STARD13: variants seen among roughly 807,000 people sequenced by gnomAD.
STARD13 encodes stAR-related lipid transfer protein 13.
In STARD13, 62 loss-of-function variants were observed where a neutral mutation model predicts 106.4. The ratio of observed to expected loss-of-function variants is 0.58; its 90% confidence interval spans 0.48 to 0.72. The LOEUF (loss-of-function observed/expected upper bound fraction) is 0.72. Ranked by LOEUF, STARD13 falls within the 30% of genes least tolerant of loss-of-function variation. The pLI, the probability that STARD13 is intolerant of heterozygous loss-of-function variation, is 0.00. For synonymous variants in STARD13, 565 were observed against 553.0 expected, an observed-to-expected ratio of 1.02 and a Z score of -0.31; for missense variants, 1,387 against 1,424.0, an observed-to-expected ratio of 0.97 and a Z score of 0.42.
the STARD13 span, among the ~76,000 whole-genome samples, chr13:33,653,188 C>T: frequency 2.0e-5 from 3 of 152,042 alleles, no homozygotes; most frequent in South Asian, 2.1e-4. Flanking sequence ...CTAAAATTCA[C>T]GGAGAAATTC....
downstream of STARD13, among the ~76,000 whole-genome samples, chr13:33,344,823 G>C (rs2078001271): frequency 6.6e-6 from 1 of 152,180 alleles, no homozygotes; most frequent in South Asian, 2.1e-4. Context: ...ATTGTTATAT[G>C]AGTATAATGG....
At position 33,255,105 on chromosome 13, in the gene STARD13, C is replaced by CA. The variant is rs984680385; in HGVS notation, c.169+30364_169+30365insT. Among the ~76,000 whole-genome samples, 7 of 141,226 alleles carry CA rather than the reference C, an allele frequency of 5.0e-5. No homozygotes were observed. In the South Asian group the frequency reaches 1.2e-3, roughly 24 times the overall value. 92.6% of individuals were successfully genotyped at this position (141,226 alleles called of 152,430 possible). A position where few individuals can be genotyped will look rare whatever the true frequency, so the allele number is the denominator to read the frequency against. On this transcript the variant is annotated intron_variant, in intron 1 of 13. Transcript: ENST00000336934. ...ACCTGTCCATCTGTGTGCTCCCCCC[C>CA]CCCTCAGAGGCTTGATCAGGTTCAG...
In STARD13 at chr13:33,123,747, T is replaced by A. The variant is rs555743665; in HGVS notation, c.2082+2334A>T. Among the ~76,000 whole-genome samples, 301 of 152,326 alleles carry A rather than the reference T, an allele frequency of 2.0e-3. 1 individual carries two copies. The highest frequency in any genetic ancestry group is 7.9e-3 in the South Asian group (38 of 4,828). On this transcript the variant is annotated intron_variant, in intron 7 of 13. Coordinates refer to ENST00000336934, the MANE Select transcript of STARD13 (RefSeq NM_178006.4). Reference sequence around the variant, plus strand: ...TGCAGGAGTGTGGAAGACAAAAGGCTGGCAATGTGTCAGGCTCTGTGGGGC... The same window carrying A: ...TGCAGGAGTGTGGAAGACAAAAGGCAGGCAATGTGTCAGGCTCTGTGGGGC...
chr13:33,179,420 C>CTACTATTA lies in STARD13; in HGVS notation c.170-11799_170-11798insTAATAGTA, dbSNP rs1358095290. Among the ~76,000 whole-genome samples, 12 of 152,168 alleles carry CTACTATTA rather than the reference C, an allele frequency of 7.9e-5. No homozygotes were observed. In the East Asian group the frequency reaches 2.3e-3, roughly 29 times the overall value. On this transcript the variant is annotated intron_variant, in intron 1 of 13. Transcript: ENST00000336934. ...TAAATGATTGCATTTCTGTAAAGTA[C>CTACTATTA]CTGGAGCACAGCATTTGCTACTATT...
intron 1 of STARD13, among the ~76,000 whole-genome samples, chr13:33,247,419 C>T (rs900885279): frequency 4.6e-5 from 7 of 152,000 alleles, no homozygotes; most frequent in East Asian, 3.9e-4. Flanking sequence ...CAAGCAGACA[C>T]GAATTCAACA....
chr13:33,385,674 A>G, the STARD13 span, among the ~76,000 whole-genome samples: 2 of 151,662 alleles, frequency 1.3e-5, no homozygotes, highest in East Asian at 3.9e-4. Flanking sequence ...AGCCTTGCCA[A>G]CGTGGTGAAA....
the STARD13 span, among the ~76,000 whole-genome samples, chr13:33,673,308 C>T: frequency 2.6e-4 from 39 of 152,258 alleles, no homozygotes; most frequent in African/African-American, 9.4e-4. Flanking sequence ...GATTCTAGGG[C>T]TGTGAGTACT....
the STARD13 span, among the ~76,000 whole-genome samples, chr13:33,462,194 C>T: frequency 2.0e-5 from 3 of 152,170 alleles, no homozygotes; most frequent in African/African-American, 7.2e-5. Flanking sequence ...GAATGAAGTC[C>T]ACCTTTAAAG....
At chr13:33,319,610 T>C (rs1893477831) in intron 1 of STARD13, among the ~76,000 whole-genome samples, 1 of 152,178 alleles carries the variant, frequency 6.6e-6, no homozygotes, top group South Asian at 2.1e-4. Flanking sequence ...GCTAGAGAAG[T>C]TACACAGTGG....
upstream of STARD13, chr13:33,355,141 G>T (rs888225259): frequency 9.9e-5 from 15 of 152,216 alleles, no homozygotes; most frequent in African/African-American, 3.6e-4. Flanking sequence ...CAAATGAAAA[G>T]ATATATATTT....
chr13:33,378,742 A>G, the STARD13 span, among the ~76,000 whole-genome samples: 1 of 150,970 alleles, frequency 6.6e-6, no homozygotes, highest in Middle Eastern at 3.2e-3. Context: ...GTGAGCTGAG[A>G]TGGCACCACT....
the STARD13 span, among the ~76,000 whole-genome samples, chr13:33,519,205 AT>A: frequency 0.31 from 27,046 of 86,502 alleles, 2,992 homozygotes; most frequent in African/African-American, 0.4. Flanking sequence ...CCTCTTGGTA[AT>A]TTTTTCTTTC....
intron 1 of STARD13, among the ~76,000 whole-genome samples, chr13:33,335,450 T>C (rs1388041774): frequency 1.3e-5 from 2 of 152,138 alleles, no homozygotes; most frequent in Admixed American, 6.5e-5. Context: ...CCTTCCTAAG[T>C]GCTAGACTGT....
the STARD13 span, among the ~76,000 whole-genome samples, chr13:33,561,500 T>G: frequency 6.6e-6 from 1 of 151,552 alleles, no homozygotes; most frequent in Admixed American, 6.6e-5. Flanking sequence ...TTGCATTTCT[T>G]GTCTTTTTAA....
intron 3 of STARD13, among the ~76,000 whole-genome samples, chr13:33,163,859 CA>C (rs1296364545): frequency 1.3e-5 from 2 of 150,308 alleles, no homozygotes; most frequent in Non-Finnish European, 3.0e-5. Flanking sequence ...AGCCAACTAG[CA>C]AAAAAATATG....
At chr13:33,480,487 A>G in the STARD13 span, among the ~76,000 whole-genome samples, 32 of 152,112 alleles carry the variant, frequency 2.1e-4, no homozygotes, top group African/African-American at 7.2e-4. Flanking sequence ...TCATTCTGAA[A>G]CCCGTGTGCA....
intron 1 of STARD13, among the ~76,000 whole-genome samples, chr13:33,249,957 T>A (rs531602745): frequency 2.8e-4 from 42 of 152,108 alleles, no homozygotes; most frequent in African/African-American, 9.9e-4. Context: ...GCTTGCCTAA[T>A]TTTTTTGATT....
the STARD13 span, among the ~76,000 whole-genome samples, chr13:33,431,010 G>C: frequency 2.6e-5 from 4 of 152,146 alleles, no homozygotes. Context: ...TAGATTAGTA[G>C]GTGGCTATAG....
chr13:33,157,133 A>G (rs907461028), intron 3 of STARD13, among the ~76,000 whole-genome samples: 1 of 151,874 alleles, frequency 6.6e-6, no homozygotes, highest in Non-Finnish European at 1.5e-5. Flanking sequence ...GTGTAGATAA[A>G]TTGTAGATAC....
Sources: gnomAD v4.1 joint callset for allele counts (sites outside exome capture counted in the v4.1 genomes callset) on GRCh38, gnomAD v4.1.1 for gene constraint, MANE v1.5 for transcripts, NCBI Gene and HGNC (gene_info 2026-07-23, HGNC 2026-07-21) for gene names.